MALT1: variants seen among roughly 807,000 people sequenced by gnomAD.
MALT1 encodes mucosa-associated lymphoid tissue lymphoma translocation protein 1.
A neutral mutation model predicts 85.5 loss-of-function variants in MALT1; 36 were observed. The observed-to-expected ratio is 0.42, with a 90% CI of 0.32 to 0.56. The LOEUF (loss-of-function observed/expected upper bound fraction) is 0.56. Ranked by LOEUF, MALT1 falls within the 20% of genes least tolerant of loss-of-function variation. The pLI, the probability that MALT1 is intolerant of heterozygous loss-of-function variation, is 0.10. For synonymous variants in MALT1, 359 were observed against 361.3 expected (o/e 0.99, Z 0.07); for missense variants, 716 against 981.6 (o/e 0.73, Z 3.62).
At chr18:58,725,877 A>G (rs2055048226) in intron 10 of MALT1, among the ~76,000 whole-genome samples, 1 of 152,154 alleles carries the variant, frequency 6.6e-6, no homozygotes, top group Non-Finnish European at 1.5e-5. Flanking sequence ...CCTGGCCAAC[A>G]TGGTGAAACC....
At chr18:58,744,222 A>G in intron 14 of MALT1, 116 bp from the exon 15 acceptor site, 1 of 631,386 alleles carries the variant, frequency 1.6e-6, no homozygotes, top group Non-Finnish European at 2.6e-6. Context: ...GTATGTGTTT[A>G]AACAATGTAA....
chr18:58,691,482 A>G (rs1602288753), intron 2 of MALT1: 1 of 246,898 alleles, frequency 4.1e-6, no homozygotes, highest in Non-Finnish European at 8.0e-6. Flanking sequence ...GTAGAACACC[A>G]CAGACCTGGC....
At chr18:58,691,021 C>G (rs2144336032) in intron 2 of MALT1, 1 of 287,074 alleles carries the variant, frequency 3.5e-6, no homozygotes, top group Middle Eastern at 1.1e-3. Flanking sequence ...GTGCCCAAAA[C>G]TCCACGTTAT....
chr18:58,735,973 A>G (rs2055216271), intron 13 of MALT1, among the ~76,000 whole-genome samples: 1 of 152,100 alleles, frequency 6.6e-6, no homozygotes, highest in South Asian at 2.1e-4. Context: ...TTGAAAAAAC[A>G]TTTTATAAGC....
intron 10 of MALT1, among the ~76,000 whole-genome samples, chr18:58,732,473 A>G (rs983452701): frequency 8.5e-5 from 13 of 152,228 alleles, no homozygotes; most frequent in South Asian, 4.1e-4. Context: ...TTTATATCTC[A>G]TAGCAAAAAG....
At chr18:58,676,346 CATAG>C (rs1397585903) in intron 1 of MALT1, among the ~76,000 whole-genome samples, 2 of 151,836 alleles carry the variant, frequency 1.3e-5, no homozygotes, top group East Asian at 3.9e-4. Context: ...GCCTGAGCAA[CATAG>C]ATAGACCCCA....
rs1272987808 is a variant in MALT1, at chr18:58,733,820, G to A, written c.1400+246G>A. On this transcript the variant is annotated intron_variant, in intron 11 of 16. Transcript: ENST00000649217. ...GCATGGGCATTTACTCACACTACAG[G>A]GGATTCAACTCTCCAGAATGCCTTT... 4 of 1,042,218 alleles carry A rather than the reference G, an allele frequency of 3.8e-6. No homozygotes were observed. The African/African-American group carries it at 6.5e-5, about 17-fold the overall frequency. 64.6% of individuals were successfully genotyped at this position (1,042,218 alleles called of 1,614,324 possible).
intron 4 of MALT1, among the ~76,000 whole-genome samples, chr18:58,706,462 GTA>G (rs1266646175): frequency 2.0e-5 from 3 of 152,160 alleles, no homozygotes; most frequent in Non-Finnish European, 4.4e-5. Context: ...GCCCACGTGT[GTA>G]TAATTTTTAA....
intron 2 of MALT1, among the ~76,000 whole-genome samples, chr18:58,695,066 T>C (rs1373648393): frequency 1.3e-5 from 2 of 152,192 alleles, no homozygotes; most frequent in African/African-American, 4.8e-5. Context: ...CTGATGGTTT[T>C]ATAAAGGGGA....
At chr18:58,675,693 CAAAT>C (rs2054229446) in intron 1 of MALT1, among the ~76,000 whole-genome samples, 1 of 152,200 alleles carries the variant, frequency 6.6e-6, no homozygotes, top group African/African-American at 2.4e-5. Context: ...GTCTCTAAAA[CAAAT>C]AAACTAAAAA....
intron 10 of MALT1, among the ~76,000 whole-genome samples, chr18:58,725,655 A>G (rs1282503566): frequency 6.6e-6 from 1 of 152,230 alleles, no homozygotes; most frequent in Non-Finnish European, 1.5e-5. Context: ...GTATTGGTGA[A>G]GTATTTAAAG....
chr18:58,679,774 C>T (rs929265325), intron 1 of MALT1, among the ~76,000 whole-genome samples: 43 of 152,140 alleles, frequency 2.8e-4, no homozygotes, highest in Non-Finnish European at 6.2e-4. Flanking sequence ...GTCTCAAACT[C>T]CTGGCTTGAT....
chr18:58,692,682 T>G (rs1470725540), intron 2 of MALT1, among the ~76,000 whole-genome samples: 1 of 152,200 alleles, frequency 6.6e-6, no homozygotes, highest in East Asian at 1.9e-4. Context: ...CACATGTCTC[T>G]CACTTTAAAT....
Position 58,696,740 on chromosome 18 carries a change from G to T in MALT1, c.498+253G>T, listed in dbSNP as rs1196194304. On this transcript the variant is annotated intron_variant, in intron 3 of 16. Transcript: ENST00000649217. ...TTGTGGAAAATAGGGATTACTTAGG[G>T]CAGCAGTGTTAGCGAGTATAAAACA... 3.3e-5 allele frequency among the ~76,000 whole-genome samples: 5 copies of T among 152,182 alleles called. No individual in the cohort carries two copies. The East Asian group carries it at 9.6e-4, about 29-fold the overall frequency.
chr18:58,734,879 AATT>A (rs1179986894), intron 12 of MALT1, among the ~76,000 whole-genome samples: 1 of 152,228 alleles, frequency 6.6e-6, no homozygotes, highest in Non-Finnish European at 1.5e-5. Context: ...CTTTTTAAAA[AATT>A]ATTTTTATTG....
chr18:58,699,127 C>A (rs2054635907), intron 3 of MALT1, among the ~76,000 whole-genome samples: 1 of 152,196 alleles, frequency 6.6e-6, no homozygotes, highest in Non-Finnish European at 1.5e-5. Context: ...CTCCACAGAT[C>A]TTCAGCCCAA....
Position 58,748,411 on chromosome 18 carries a change from T to G in MALT1, c.*569T>G, listed in dbSNP as rs1375754958. 1.1e-5 allele frequency: 2 copies of G among 179,510 alleles called. No individual in the cohort carries two copies. Among genetic ancestry groups the G allele is most frequent in the Non-Finnish European group, 2.4e-5 (2 of 83,736 alleles). 11.1% of individuals were successfully genotyped at this position (179,510 alleles called of 1,614,324 possible). A position where few individuals can be genotyped will look rare whatever the true frequency, so the allele number is the denominator to read the frequency against. On this transcript the variant is annotated 3_prime_UTR_variant, in exon 17 of 17. Coordinates refer to ENST00000649217, the MANE Select transcript of MALT1 (RefSeq NM_006785.4). ...ATATATAAATATATACAGATACATA[T>G]CTGTGTATTATCTCAAGGAATGTAC...
intron 13 of MALT1, among the ~76,000 whole-genome samples, chr18:58,740,757 CTATG>C (rs1473428085): frequency 6.8e-6 from 1 of 146,254 alleles, no homozygotes; most frequent in African/African-American, 2.7e-5. Context: ...TTGCAGAACT[CTATG>C]TATGCCCATT....
At chr18:58,733,244 G>A (rs1351748468) in intron 10 of MALT1, among the ~76,000 whole-genome samples, 153 bp from the exon 11 acceptor site, 1 of 152,186 alleles carries the variant, frequency 6.6e-6, no homozygotes, top group South Asian at 2.1e-4. Context: ...AAATAACATT[G>A]TCTATATTTA....
Sources: gnomAD v4.1 joint callset for allele counts (sites outside exome capture counted in the v4.1 genomes callset) on GRCh38, gnomAD v4.1.1 for gene constraint, MANE v1.5 for transcripts, NCBI Gene and HGNC (gene_info 2026-07-23, HGNC 2026-07-21) for gene names.